The following FRAS1 variants were observed in gnomAD, a reference collection of about 807,000 sequenced individuals.
FRAS1 encodes extracellular matrix organizing protein FRAS1.
In FRAS1, 290 loss-of-function variants were observed where a neutral mutation model predicts 435.2. That is an observed-to-expected ratio of 0.67 (90% CI 0.61 to 0.73). The LOEUF (loss-of-function observed/expected upper bound fraction) is 0.73. Among genes scored for constraint, FRAS1 ranks in the 30% least tolerant of loss-of-function variants. The pLI, the probability that FRAS1 is intolerant of heterozygous loss-of-function variation, is 0.00. For missense variants in FRAS1, 4,860 were observed against 5,001.5 expected (o/e 0.97, Z 0.85); for synonymous variants, 1,800 against 1,851.0 (o/e 0.97, Z 0.71).
chr4:78,526,650 C>T lies in FRAS1; in HGVS notation c.10918C>T (p.Pro3640Ser). 6.4e-7 allele frequency: 1 copy of T among 1,558,108 alleles called. No homozygotes were observed. The highest frequency in any genetic ancestry group is 1.2e-5 in the South Asian group (1 of 81,016). The change falls in exon 70 of 74, where the codon CCA becomes TCA. Residue 3640 changes from proline (P) to serine (S), a missense_variant. Pro to Ser is a moderately conservative substitution (Grantham distance 74, BLOSUM62 -1). Transcript: ENST00000512123. ...GCCTTTGGCCTGCACTGCACATGCC[C>T]CAGAAAGGTAGGAAAATATAGTCAA... is the stretch of plus-strand genomic sequence containing the variant. ...EKPLACTAHA[P>S]ERFLIPIAFQ...
At chr4:78,419,881 T>A (rs944839481) in intron 33 of FRAS1, among the ~76,000 whole-genome samples, 5 of 151,936 alleles carry the variant, frequency 3.3e-5, no homozygotes, top group Non-Finnish European at 7.4e-5. Context: ...AATGACCAGA[T>A]TTTGTTTAAA....
At chr4:78,140,743 G>A (rs959713701) in intron 2 of FRAS1, among the ~76,000 whole-genome samples, 16 of 141,770 alleles carry the variant, frequency 1.1e-4, no homozygotes, top group African/African-American at 3.6e-4. Flanking sequence ...GTGTGTATAT[G>A]TATATACGTG....
chr4:78,260,900 A>G (rs1328701154), intron 6 of FRAS1, among the ~76,000 whole-genome samples: 1 of 152,106 alleles, frequency 6.6e-6, no homozygotes, highest in African/African-American at 2.4e-5. Context: ...GTATCTTTTT[A>G]TATATTTTTG....
At chr4:78,309,560 A>C (rs1057264056) in intron 15 of FRAS1, among the ~76,000 whole-genome samples, 3 of 152,228 alleles carry the variant, frequency 2.0e-5, no homozygotes, top group South Asian at 4.1e-4. Context: ...TAAGGGGCAG[A>C]GTTGGGATTC....
chr4:78,246,308 A>G (rs1725244099), intron 4 of FRAS1, among the ~76,000 whole-genome samples: 1 of 152,142 alleles, frequency 6.6e-6, no homozygotes, highest in Admixed American at 6.6e-5. Flanking sequence ...GTAGGATTTG[A>G]TATATCTACT....
At chr4:78,530,422 C>G (rs144093642) in intron 70 of FRAS1, among the ~76,000 whole-genome samples, 2 of 152,206 alleles carry the variant, frequency 1.3e-5, no homozygotes, top group Admixed American at 6.5e-5. Flanking sequence ...GTGACTCCCC[C>G]AGGCTTAACC....
rs1252135161 is a variant in FRAS1 at position 78,315,220 on chromosome 4, T to TA, written c.1679-368dup. 2.6e-5 allele frequency among the ~76,000 whole-genome samples: 4 copies of TA among 152,324 alleles called. No homozygotes were observed. In the East Asian group the frequency reaches 5.8e-4, roughly 22 times the overall value. On this transcript the variant is annotated intron_variant, in intron 15 of 73. Coordinates refer to ENST00000512123, the MANE Select transcript of FRAS1 (RefSeq NM_025074.7). ...TAAAATATTTGGTACATACTTATGC[T>TA]AAAAAACTTTATTATTTATCTGAAA...
intron 26 of FRAS1, among the ~76,000 whole-genome samples, chr4:78,378,792 A>T (rs1266394741): frequency 6.6e-6 from 1 of 151,996 alleles, no homozygotes; most frequent in East Asian, 1.9e-4. Flanking sequence ...TAGATATATG[A>T]TTTGCATGTT....
chr4:78,072,076 G>T (rs1183261727), intron 2 of FRAS1: 1 of 151,440 alleles, frequency 6.6e-6, no homozygotes, highest in African/African-American at 2.4e-5. Context: ...ATGGATCAAT[G>T]CTTTCTTGAA....
intron 25 of FRAS1, among the ~76,000 whole-genome samples, chr4:78,375,477 T>C (rs116547187): frequency 0.01 from 1,570 of 152,352 alleles, 29 homozygotes; most frequent in African/African-American, 0.035. Flanking sequence ...CAAAGGTCTT[T>C]TCTTACAAGT....
intron 32 of FRAS1, among the ~76,000 whole-genome samples, chr4:78,415,106 C>T (rs997064866): frequency 6.6e-6 from 1 of 152,208 alleles, no homozygotes; most frequent in African/African-American, 2.4e-5. Flanking sequence ...CTCCTTCCCT[C>T]TGAGTCCCCA....
At chr4:78,359,334 G>A (rs1206999078) in intron 20 of FRAS1, among the ~76,000 whole-genome samples, 1 of 152,102 alleles carries the variant, frequency 6.6e-6, no homozygotes, top group Non-Finnish European at 1.5e-5. Context: ...AGCCCTTGTT[G>A]CTCTGATTTC....
rs80064345 is a variant in FRAS1, at chr4:78,069,031, T to C, written c.108+3015T>C. Among the ~76,000 whole-genome samples the C allele has an allele frequency of 7.6e-4, 116 of 152,346 alleles. 1 individual carries two copies. The East Asian group carries it at 0.018, about 23-fold the overall frequency. On this transcript the variant is annotated intron_variant, in intron 2 of 73. Coordinates refer to ENST00000512123, the MANE Select transcript of FRAS1 (RefSeq NM_025074.7). ...CTATATGATTCTAGGATTCTCTGAT[T>C]ATACAACTTTTTGGGTGACAAAGGC... is the stretch of plus-strand genomic sequence containing the variant.
chr4:78,086,013 A>G (rs1183187954), intron 2 of FRAS1, among the ~76,000 whole-genome samples: 3 of 152,166 alleles, frequency 2.0e-5, no homozygotes, highest in Admixed American at 1.3e-4. Context: ...AAAATTGACC[A>G]CATAGTTGGA....
intron 15 of FRAS1, among the ~76,000 whole-genome samples, chr4:78,311,826 A>G (rs1169826663): frequency 1.3e-5 from 2 of 150,334 alleles, no homozygotes; most frequent in African/African-American, 4.9e-5. Flanking sequence ...TATATCTTCA[A>G]CTCCTGTTGG....
intron 53 of FRAS1, among the ~76,000 whole-genome samples, chr4:78,473,820 T>C (rs1263893439): frequency 1.3e-5 from 2 of 152,116 alleles, no homozygotes; most frequent in Non-Finnish European, 2.9e-5. Flanking sequence ...TACTTGGAAT[T>C]CTGAGATGAA....
chr4:78,289,861 C>G (rs973970158), intron 14 of FRAS1, among the ~76,000 whole-genome samples: 10 of 152,176 alleles, frequency 6.6e-5, no homozygotes, highest in Non-Finnish European at 1.5e-4. Context: ...TGACCTTGCA[C>G]TCTTCCTGCC....
chr4:78,161,371 A>C (rs1721129393), intron 2 of FRAS1, among the ~76,000 whole-genome samples: 1 of 152,080 alleles, frequency 6.6e-6, no homozygotes, highest in Non-Finnish European at 1.5e-5. Flanking sequence ...GGGTTTGGAT[A>C]CTACTCTGTC....
chr4:78,244,162 C>T (rs1481456184), intron 3 of FRAS1, among the ~76,000 whole-genome samples: 4 of 152,006 alleles, frequency 2.6e-5, no homozygotes, highest in South Asian at 2.1e-4. Context: ...ATTTCCCATC[C>T]ACTCTTGTAG....
Sources: gnomAD v4.1 joint callset for allele counts (sites outside exome capture counted in the v4.1 genomes callset) on GRCh38, gnomAD v4.1.1 for gene constraint, MANE v1.5 for transcripts, NCBI Gene and HGNC (gene_info 2026-07-23, HGNC 2026-07-21) for gene names.